KIF3B: variants seen among roughly 807,000 people sequenced by gnomAD.
The protein encoded by KIF3B is kinesin family member 3B, also known as kinesin-like protein KIF3B.
In KIF3B, 38 loss-of-function variants were observed where a neutral mutation model predicts 74.3. That is an observed-to-expected ratio of 0.51 (90% CI 0.39 to 0.67). KIF3B has a LOEUF of 0.67. KIF3B is among the 30% of genes least tolerant of loss of function. The pLI is 0.00. For missense variants in KIF3B, 649 were observed against 932.0 expected (o/e 0.70, Z 3.95); for synonymous variants, 326 against 342.5 (o/e 0.95, Z 0.53).
At chr20:32,289,603 G>A (rs1295498139) in intron 1 of KIF3B, among the ~76,000 whole-genome samples, 1 of 152,118 alleles carries the variant, frequency 6.6e-6, no homozygotes, top group African/African-American at 2.4e-5. Flanking sequence ...ATTGTTGTCT[G>A]TTCTTATATT....
chr20:32,289,407 T>C (rs1435445779), intron 1 of KIF3B, among the ~76,000 whole-genome samples: 1 of 152,158 alleles, frequency 6.6e-6, no homozygotes, highest in Non-Finnish European at 1.5e-5. Flanking sequence ...TTAGCCATGC[T>C]GGTCTTGAAC....
intron 5 of KIF3B, among the ~76,000 whole-genome samples, chr20:32,325,840 G>C (rs979940792): frequency 2.7e-5 from 4 of 150,458 alleles, no homozygotes; most frequent in African/African-American, 7.3e-5. Flanking sequence ...GCTAATTTTT[G>C]TATTTTTAGT....
At chr20:32,322,790 TTATATATA>T (rs1168388598) in intron 5 of KIF3B, among the ~76,000 whole-genome samples, 1 of 62,528 alleles carries the variant, frequency 1.6e-5, no homozygotes, top group African/African-American at 7.4e-5. Flanking sequence ...TTATATATAT[TTATATATA>T]TATTTATATA....
rs185549322 is a variant in KIF3B at position 32,315,659 on chromosome 20, G to A, written c.1405-559G>A. Among the ~76,000 whole-genome samples the A allele has an allele frequency of 3.9e-5, 6 of 152,292 alleles. No individual in the cohort carries two copies. The East Asian group carries it at 9.6e-4, about 24-fold the overall frequency. ...ACTAAGGAGGTCAAGGCTGCAGTGA[G>A]CTGTGATCGTGCCACCGCATTCCAG... is the stretch of plus-strand genomic sequence containing the variant. On this transcript the variant is annotated intron_variant, in intron 2 of 8. Transcript: ENST00000375712.
intron 1 of KIF3B, among the ~76,000 whole-genome samples, chr20:32,293,985 C>G (rs1442139058): frequency 6.6e-6 from 1 of 152,126 alleles, no homozygotes; most frequent in Non-Finnish European, 1.5e-5. Context: ...TTCCCTGAGT[C>G]TCTGATCCTT....
chr20:32,323,051 T>TAC (rs374184402), intron 5 of KIF3B, among the ~76,000 whole-genome samples: 1 of 54,324 alleles, frequency 1.8e-5, no homozygotes, highest in Non-Finnish European at 3.5e-5. Context: ...TATTTATATA[T>TAC]ATTTATATTT....
At chr20:32,330,851 A>T (rs537627246) in intron 8 of KIF3B, among the ~76,000 whole-genome samples, 1 of 152,356 alleles carries the variant, frequency 6.6e-6, no homozygotes, top group Admixed American at 6.5e-5. Flanking sequence ...AAAACTAGTA[A>T]TTCTGTCTTA....
At chr20:32,282,812 G>C (rs2047650271) in intron 1 of KIF3B, among the ~76,000 whole-genome samples, 1 of 152,192 alleles carries the variant, frequency 6.6e-6, no homozygotes, top group Non-Finnish European at 1.5e-5. Context: ...CAGTTCTGAA[G>C]TTTCAGAGCT....
In KIF3B at chr20:32,310,118, A is replaced by T; in HGVS notation, c.341A>T (p.Glu114Val). ...ATGGAAGGAATCCGTGGTGACCCTGAAAAAAGAGGAGTCATTCCTAACTCA... is the reference window on the plus strand; with the variant it reads ...ATGGAAGGAATCCGTGGTGACCCTGTAAAAAGAGGAGTCATTCCTAACTCA... ...YTMEGIRGDP[E>V]KRGVIPNSFD... The change falls in exon 2 of 9, where the codon GAA becomes GTA. Residue 114 changes from glutamate (E) to valine (V), a missense_variant. By Grantham distance (121) the Glu-to-Val change is moderately radical. This residue lies in a region of KIF3B where 363 missense variants were observed against 592.8 expected (regional missense o/e 0.61). Transcript: ENST00000375712. This position sits in a 1 kb window ranked among gnomAD's most constrained non-coding sequence, Gnocchi z 6.5. 6.2e-7 allele frequency: 1 copy of T among 1,614,138 alleles called. No homozygotes were observed. Among genetic ancestry groups the T allele is most frequent in the Non-Finnish European group, 8.5e-7 (1 of 1,180,008 alleles).
intron 1 of KIF3B, among the ~76,000 whole-genome samples, chr20:32,308,208 C>T (rs1410573666): frequency 6.6e-6 from 1 of 152,170 alleles, no homozygotes; most frequent in African/African-American, 2.4e-5. Context: ...TGCACTCCAG[C>T]CTGGGTGACA....
At position 32,311,465 on chromosome 20, in the gene KIF3B, CG is replaced by C. The variant is rs2047800532; in HGVS notation, c.1404+285del. On this transcript the variant is annotated intron_variant, in intron 2 of 8. Transcript: ENST00000375712. ...CTGTAATCCCAGCACTTTGGGAGGC[CG>C]AGGCGGGCGGATCACGAGGTCAGGA... is the stretch of plus-strand genomic sequence containing the variant. Among the ~76,000 whole-genome samples the C allele has an allele frequency of 4.4e-3, 4 of 904 alleles. 2 individuals carry two copies. The highest frequency in any genetic ancestry group is 0.1 in the African/African-American group (2 of 20). The allele number at this position is 904 out of a possible 152,430, so 0.6% of individuals were successfully genotyped here.
At chr20:32,287,235 C>G (rs1330322608) in intron 1 of KIF3B, among the ~76,000 whole-genome samples, 6 of 152,040 alleles carry the variant, frequency 3.9e-5, no homozygotes, top group Admixed American at 2.0e-4. Context: ...AGGCTGGTCT[C>G]AAACTCCTAG....
intron 1 of KIF3B, among the ~76,000 whole-genome samples, chr20:32,282,009 T>C (rs1405393256): frequency 1.3e-5 from 2 of 152,008 alleles, no homozygotes; most frequent in African/African-American, 4.8e-5. Context: ...TCTGCTAGAG[T>C]AATGAGTTGG....
chr20:32,283,725 G>A (rs1285459457), intron 1 of KIF3B, among the ~76,000 whole-genome samples: 2 of 151,756 alleles, frequency 1.3e-5, no homozygotes, highest in Non-Finnish European at 2.9e-5. Flanking sequence ...CGGGAGAATC[G>A]CTTGAACCTA....
intron 5 of KIF3B, among the ~76,000 whole-genome samples, chr20:32,323,601 G>A (rs796743407): frequency 1.3e-5 from 2 of 151,904 alleles, no homozygotes; most frequent in Non-Finnish European, 2.9e-5. Flanking sequence ...TTTTTCAGCC[G>A]AGCATGGTGG....
rs569200067 is a variant in KIF3B, at chr20:32,324,930, C to T, written c.1749-1841C>T. ...TCTATAGTCTCAGCTACTCCGGGGG[C>T]TGAGGCACGAGAATCGCTTGAACCT... On this transcript the variant is annotated intron_variant, in intron 5 of 8. Coordinates refer to ENST00000375712, the MANE Select transcript of KIF3B (RefSeq NM_004798.4). Among the ~76,000 whole-genome samples, 9 of 152,220 alleles carry T rather than the reference C, an allele frequency of 5.9e-5. No homozygotes were observed. In the East Asian group the frequency reaches 1.7e-3, roughly 30 times the overall value.
intron 5 of KIF3B, among the ~76,000 whole-genome samples, chr20:32,324,778 C>A (rs2047894414): frequency 6.6e-6 from 1 of 152,086 alleles, no homozygotes; most frequent in African/African-American, 2.4e-5. Context: ...CCTATAATCC[C>A]AGCACTTTTG....
intron 6 of KIF3B, 44 bp downstream of exon 6, chr20:32,326,928 G>T (rs775823535): frequency 1.6e-5 from 15 of 944,966 alleles, no homozygotes; most frequent in South Asian, 1.0e-4. Flanking sequence ...GTATGAGGGA[G>T]GAAAAGAATG....
chr20:32,323,135 TACA>T (rs1286382943), intron 5 of KIF3B, among the ~76,000 whole-genome samples: 2 of 92,964 alleles, frequency 2.2e-5, no homozygotes, highest in Non-Finnish European at 4.1e-5. Flanking sequence ...TTTATATATT[TACA>T]TATATTTATA....
Sources: gnomAD v4.1 joint callset for allele counts (sites outside exome capture counted in the v4.1 genomes callset) on GRCh38, gnomAD v4.1.1 for gene constraint, gnomAD v4.1.1 regional missense constraint, Gnocchi (gnomAD v3.1) non-coding constraint, MANE v1.5 for transcripts, NCBI Gene and HGNC (gene_info 2026-07-23, HGNC 2026-07-21) for gene names.